The following KRR1 variants were observed in gnomAD, a reference collection of about 807,000 sequenced individuals.
KRR1 encodes KRR1 small subunit processome component.
KRR1 carries 23 observed loss-of-function variants against 50.0 expected under a neutral mutation model. The observed-to-expected ratio is 0.46, with a 90% CI of 0.33 to 0.65. KRR1 has a LOEUF of 0.65. KRR1 is among the 30% of genes least tolerant of loss of function. The pLI is 0.02. For missense variants in KRR1, 419 were observed against 442.4 expected, an observed-to-expected ratio of 0.95 and a Z score of 0.47; for synonymous variants, 133 against 146.3, an observed-to-expected ratio of 0.91 and a Z score of 0.66.
rs1384851088 is a variant in KRR1 at position 75,506,529 on chromosome 12, T to C, written c.474A>G (p.Val158=). Residue 158 remains valine, a synonymous_variant, in exon 4 of 10, where the codon GTA becomes GTG. Transcript: ENST00000229214. ...GACCAATAAGCCGTTGTCTTCGTTT[T>C]ACAAATCTCTCTTTATTCCTTACTA... ...GSLVRNKERF[V]KRRQRLIGPK... is the part of the protein sequence containing the mutation. The C allele has an allele frequency of 1.2e-6, 2 of 1,610,922 alleles. No homozygotes were observed. The highest frequency in any genetic ancestry group is 1.1e-5 in the South Asian group (1 of 90,792).
Position 75,493,920 on chromosome 12 carries a change from C to G in KRR1, c.*5889G>C, listed in dbSNP as rs760043267. 6.6e-6 allele frequency: 1 copy of G among 152,138 alleles called. No homozygotes were observed. The allele number at this position is 152,138 out of a possible 1,614,324, so 9.4% of individuals were successfully genotyped here. ...ACCTTTTCCTTTACAGTTTGGAATG[C>G]ACAACTAAGTATCATAAATGACTTT... is the stretch of plus-strand genomic sequence containing the variant. On this transcript the variant is annotated 3_prime_UTR_variant, in exon 10 of 10. Transcript: ENST00000229214.
rs1310405680 is a variant in KRR1 at position 75,495,298 on chromosome 12, T to C, written c.*4511A>G. Reference sequence around the variant, plus strand: ...GTGATTAAAGGTATCTCTTACATCTTTTGTCTCATCTGTAAAACAAGAATA... The same window carrying C: ...GTGATTAAAGGTATCTCTTACATCTCTTGTCTCATCTGTAAAACAAGAATA... On this transcript the variant is annotated 3_prime_UTR_variant, in exon 10 of 10. Coordinates refer to ENST00000229214, the MANE Select transcript of KRR1 (RefSeq NM_007043.7). The C allele has an allele frequency of 1.7e-5, 5 of 301,184 alleles. No homozygotes were observed. Among genetic ancestry groups the C allele is most frequent in the African/African-American group, 1.1e-4 (5 of 46,762 alleles). The allele number at this position is 301,184 out of a possible 1,614,324, so 18.7% of individuals were successfully genotyped here. A position where few individuals can be genotyped will look rare whatever the true frequency, so the allele number is the denominator to read the frequency against.
rs949822941 is a variant in KRR1, at chr12:75,508,380, G to T, written c.152C>A (p.Pro51His). Residue 51 changes from proline to histidine, a missense_variant, in exon 2 of 10, where the codon CCC becomes CAC. Pro to His is a moderately conservative substitution (Grantham distance 77). Transcript: ENST00000229214. The part of the protein sequence containing the change: ...KEPAFSKEDN[P>H]RGLLEESSFA... ...ACTGCTCTCCTCCAAAAGTCCTCTG[G>T]GATTGTCCTCTTTGGAAAAAGCTGG... 1 of 1,613,134 alleles carries T rather than the reference G, an allele frequency of 6.2e-7. No individual in the cohort carries two copies. The highest frequency in any genetic ancestry group is 1.3e-5 in the African/African-American group (1 of 74,986).
Position 75,504,099 on chromosome 12 carries a change from A to C in KRR1, c.661-25T>G, listed in dbSNP as rs765352026. The C allele has an allele frequency of 1.9e-6, 3 of 1,563,652 alleles. No individual in the cohort carries two copies. The East Asian group carries it at 6.8e-5, about 35-fold the overall frequency. ...TCTTTAGTCATGCAACAAAGTAAAA[A>C]TTTTTACTTTCCAAAGTCACACATT... On this transcript the variant is annotated intron_variant, in intron 6 of 9. Coordinates refer to ENST00000229214, the MANE Select transcript of KRR1 (RefSeq NM_007043.7).
chr12:75,509,411 A>G (rs2704767), intron 1 of KRR1, among the ~76,000 whole-genome samples: 94,213 of 151,758 alleles, frequency 0.62, 29,422 homozygotes, highest in South Asian at 0.67. Flanking sequence ...AAAACACGTC[A>G]TTACCCTATG....
intron 6 of KRR1, among the ~76,000 whole-genome samples, chr12:75,504,952 A>C (rs922304491): frequency 4.6e-5 from 7 of 152,028 alleles, no homozygotes; most frequent in Admixed American, 2.0e-4. Flanking sequence ...GATTACAACT[A>C]TATAACATAT....
At position 75,497,706 on chromosome 12, in the gene KRR1, A is replaced by AATTCCTTCGTGGT. The variant is rs1178111498; in HGVS notation, c.*2090_*2102dup. The AATTCCTTCGTGGT allele has an allele frequency of 2.0e-5, 3 of 152,100 alleles. No individual in the cohort carries two copies. Among genetic ancestry groups the AATTCCTTCGTGGT allele is most frequent in the Non-Finnish European group, 4.4e-5 (3 of 67,996 alleles). The allele number at this position is 152,100 out of a possible 1,614,324, so 9.4% of individuals were successfully genotyped here. A position where few individuals can be genotyped will look rare whatever the true frequency, so the allele number is the denominator to read the frequency against. ...AAATTATGGCAAGCACTGGAGCATA[A>AATTCCTTCGTGGT]ATTCCTTCGTGGTATTCCTTCGTGG... On this transcript the variant is annotated 3_prime_UTR_variant, in exon 10 of 10. Transcript: ENST00000229214.
chr12:75,505,106 G>A (rs1429889685), intron 6 of KRR1, 92 bp downstream of exon 6: 1 of 1,290,220 alleles, frequency 7.8e-7, no homozygotes, highest in South Asian at 1.4e-5. Flanking sequence ...TTGTGCATTA[G>A]AATTTCATAA....
At chr12:75,502,200 T>C (rs1475447838) in intron 7 of KRR1, 200 bp from the exon 8 acceptor site, 1 of 539,190 alleles carries the variant, frequency 1.9e-6, no homozygotes, top group Non-Finnish European at 3.3e-6. Flanking sequence ...AGCACCTCCA[T>C]GGAATACAAC....
At chr12:75,500,078 T>C (rs2046381067) in intron 9 of KRR1, 127 bp from the exon 10 acceptor site, 1 of 682,308 alleles carries the variant, frequency 1.5e-6, no homozygotes, top group Non-Finnish European at 2.3e-6. Context: ...AATTGAATAA[T>C]TGAAAGGTGA....
Sources: gnomAD v4.1 joint callset for allele counts (sites outside exome capture counted in the v4.1 genomes callset) on GRCh38, gnomAD v4.1.1 for gene constraint, MANE v1.5 for transcripts, NCBI Gene and HGNC (gene_info 2026-07-23, HGNC 2026-07-21) for gene names.